Variants in BOP1 observed in about 807,000 individuals in gnomAD.
BOP1 encodes BOP1 ribosomal biogenesis factor.
BOP1 carries 54 observed loss-of-function variants against 82.9 expected under a neutral mutation model. That is an observed-to-expected ratio of 0.65 (90% CI 0.52 to 0.82). The LOEUF (loss-of-function observed/expected upper bound fraction) is 0.82. Among genes scored for constraint, BOP1 ranks in the 40% least tolerant of loss-of-function variants. The pLI is 0.00. For missense variants in BOP1, 1,170 were observed against 1,072.0 expected (o/e 1.09, Z -1.28); for synonymous variants, 566 against 451.1 (o/e 1.25, Z -3.23).
At chr8:144,266,931 C>T (rs1241010278) in intron 3 of BOP1, 17 of 1,558,406 alleles carry the variant, frequency 1.1e-5, no homozygotes, top group African/African-American at 2.8e-5. Flanking sequence ...CCACCGAGCC[C>T]GCCGACCGCA....
chr8:144,286,610 G>T (rs1554839504), intron 2 of BOP1, among the ~76,000 whole-genome samples: 1 of 150,504 alleles, frequency 6.6e-6, no homozygotes, highest in East Asian at 2.0e-4. Context: ...GCAGGGCAGG[G>T]CCTCGGCCCC....
At chr8:144,288,442 TACTTGAACCCAGGGGATG>T (rs1306835098) in intron 2 of BOP1, among the ~76,000 whole-genome samples, 3 of 120,264 alleles carry the variant, frequency 2.5e-5, no homozygotes, top group Admixed American at 7.7e-5. Context: ...GCAGGAGAAT[TACTTGAACCCAGGGGATG>T]GAGGTTGCAG....
At position 144,291,200 on chromosome 8, in the gene BOP1, C is replaced by A. The variant is rs1333911710; in HGVS notation, c.99+72G>T. The A allele has an allele frequency of 7.7e-6, 10 of 1,291,602 alleles. No homozygotes were observed. The highest frequency in any genetic ancestry group is 9.9e-6 in the Non-Finnish European group (10 of 1,012,420). The allele number at this position is 1,291,602 out of a possible 1,614,324, so 80.0% of individuals were successfully genotyped here. A position where few individuals can be genotyped will look rare whatever the true frequency, so the allele number is the denominator to read the frequency against. ...CCAGGTGACAGAAGCCGGGCCCACC[C>A]GCCCCAGCGCGGCCACGTGCCCGCC... On this transcript the variant is annotated intron_variant, in intron 1 of 15. Coordinates refer to ENST00000569669, the MANE Select transcript of BOP1 (RefSeq NM_015201.5). This position sits in a 1 kb window ranked among gnomAD's most constrained non-coding sequence, Gnocchi z 4.1.
intron 2 of BOP1, among the ~76,000 whole-genome samples, chr8:144,280,220 G>A (rs1004272603): frequency 6.6e-6 from 1 of 152,244 alleles, no homozygotes; most frequent in African/African-American, 2.4e-5. Flanking sequence ...GCCACAGGCA[G>A]AGGCAAGAGC....
At position 144,263,845 on chromosome 8, in the gene BOP1, TG is replaced by T; in HGVS notation, c.1206del (p.Thr403ArgfsTer46). 1 of 1,611,226 alleles carries T rather than the reference TG, an allele frequency of 6.2e-7. No homozygotes were observed. The highest frequency in any genetic ancestry group is 8.5e-7 in the Non-Finnish European group (1 of 1,179,612). On this transcript the variant is annotated frameshift_variant, in exon 9 of 16. Transcript: ENST00000569669. LOFTEE classifies it high-confidence loss of function. ...LPRPRDLQPFPTCQALVYRGH... is the reference protein window; with the variant it reads ...LPRPRDLQPFXTCQALVYRGH... ...TCTCCACTTACCAGGGCCTGGCACG[TG>T]GGGAAGGGCTGCAGGTCCCTCGGCC...
At chr8:144,272,095 C>T (rs112977303) in intron 3 of BOP1, among the ~76,000 whole-genome samples, 17 of 152,266 alleles carry the variant, frequency 1.1e-4, no homozygotes, top group Non-Finnish European at 2.2e-4. Context: ...CCTGGCATCT[C>T]ATAAGCAGGG....
At chr8:144,279,686 C>T (rs782278774) in intron 2 of BOP1, among the ~76,000 whole-genome samples, 7 of 152,176 alleles carry the variant, frequency 4.6e-5, no homozygotes, top group South Asian at 4.1e-4. Flanking sequence ...TCCCCCCCGC[C>T]GCAAATCTGG....
chr8:144,268,203 C>G (rs1294985096), intron 3 of BOP1: 8 of 1,546,628 alleles, frequency 5.2e-6, no homozygotes, highest in Non-Finnish European at 7.0e-6. Context: ...CCCGGGGTGA[C>G]TGCAGACAGC....
At chr8:144,268,750 G>A (rs1271362097) in intron 3 of BOP1, among the ~76,000 whole-genome samples, 1 of 152,210 alleles carries the variant, frequency 6.6e-6, no homozygotes, top group African/African-American at 2.4e-5. Flanking sequence ...GGAGCTGCGT[G>A]GCAGAAGATG....
At position 144,262,484 on chromosome 8, in the gene BOP1, G is replaced by A. The variant is rs1845226539; in HGVS notation, c.1999C>T (p.Arg667Trp). The change falls in exon 15 of 16, where the codon CGG becomes TGG. Residue 667 changes from arginine to tryptophan, a missense_variant. By Grantham distance (101) the Arg-to-Trp change is moderately radical (BLOSUM62 -3). Transcript: ENST00000569669. ...RMLRHHKKAL[R>W]AVAFHPRYPL... Reference sequence around the variant, plus strand: ...TACCGCGGGTGGAAGGCCACAGCCCGCAGAGCCTTCTTGTGGTGTCTGGGG... The same window carrying A: ...TACCGCGGGTGGAAGGCCACAGCCCACAGAGCCTTCTTGTGGTGTCTGGGG... 1.9e-6 allele frequency: 3 copies of A among 1,612,884 alleles called. No homozygotes were observed. The highest frequency in any genetic ancestry group is 1.1e-5 in the South Asian group (1 of 91,076).
At chr8:144,269,103 C>A (rs1004281487) in intron 3 of BOP1, among the ~76,000 whole-genome samples, 1 of 152,236 alleles carries the variant, frequency 6.6e-6, no homozygotes, top group African/African-American at 2.4e-5. Context: ...CCCACCACCA[C>A]GGCCCATCCA....
At chr8:144,269,677 G>T (rs1845460259) in intron 3 of BOP1, among the ~76,000 whole-genome samples, 1 of 152,232 alleles carries the variant, frequency 6.6e-6, no homozygotes. Flanking sequence ...GGAGCCCACA[G>T]CTGGCCAGAG....
chr8:144,265,402 C>G (rs946173408), intron 3 of BOP1: 3 of 456,152 alleles, frequency 6.6e-6, no homozygotes, highest in Non-Finnish European at 1.2e-5. Flanking sequence ...TCATCACCCA[C>G]GGGCTCCCTC....
chr8:144,285,785 C>T (rs1229777038), intron 2 of BOP1, among the ~76,000 whole-genome samples: 4 of 152,230 alleles, frequency 2.6e-5, no homozygotes, highest in African/African-American at 4.8e-5. Flanking sequence ...CTGTGGCGGG[C>T]GAGGGTGTCT....
At chr8:144,276,120 G>A (rs894279385) in intron 3 of BOP1, 104 bp downstream of exon 3, 7 of 1,358,438 alleles carry the variant, frequency 5.2e-6, no homozygotes, top group South Asian at 1.2e-5. Flanking sequence ...ACCTGCGGCA[G>A]GTCCCAGCAC....
intron 2 of BOP1, among the ~76,000 whole-genome samples, chr8:144,285,016 C>T (rs117169657): frequency 0.11 from 16,119 of 152,204 alleles, 997 homozygotes; most frequent in Non-Finnish European, 0.14. Context: ...CTCCGCAGGA[C>T]GCCCCGGGCC....
At chr8:144,265,301 A>G (rs1845335060) in intron 3 of BOP1, 9 of 598,682 alleles carry the variant, frequency 1.5e-5, no homozygotes, top group Non-Finnish European at 2.4e-5. Context: ...CTGCACCTTC[A>G]CATTTTCCAC....
At position 144,266,387 on chromosome 8, in the gene BOP1, G is replaced by A. The variant is rs1205335726; in HGVS notation, c.391-1316C>T. 3.9e-3 allele frequency among the ~76,000 whole-genome samples: 597 copies of A among 152,030 alleles called. 5 individuals are homozygous for A. Among genetic ancestry groups the A allele is most frequent in the Middle Eastern group, 6.8e-3 (2 of 292 alleles). ...GCTCGAGGAGCCTCCGGGCTGAGAG[G>A]GGCGGGGCGTGCGCGGGGGAGGGGC... On this transcript the variant is annotated intron_variant, in intron 3 of 15. Coordinates refer to ENST00000569669, the MANE Select transcript of BOP1 (RefSeq NM_015201.5).
At chr8:144,281,789 TGGCC>T (rs1554838975) in intron 2 of BOP1, 3 of 152,144 alleles carry the variant, frequency 2.0e-5, no homozygotes, top group Non-Finnish European at 4.4e-5. Flanking sequence ...TTCACCATGT[TGGCC>T]GGGCTGGTCT....
Sources: allele counts gnomAD v4.1 joint callset (sites outside exome capture counted in the v4.1 genomes callset), GRCh38; gene constraint gnomAD v4.1.1; non-coding constraint Gnocchi (gnomAD v3.1); transcripts MANE v1.5; gene names NCBI Gene and HGNC (gene_info 2026-07-23, HGNC 2026-07-21).